The following NRXN3 variants were observed in gnomAD, a reference collection of about 807,000 sequenced individuals.
The protein encoded by NRXN3 is neurexin 3, also known as neurexin III.
NRXN3 carries 32 observed loss-of-function variants against 137.6 expected under a neutral mutation model. The ratio of observed to expected loss-of-function variants is 0.23; its 90% CI spans 0.18 to 0.31. The LOEUF is 0.31. Ranked by LOEUF, NRXN3 falls within the 10% of genes least tolerant of loss-of-function variation. The pLI is 1.00. For synonymous variants in NRXN3, 798 were observed against 784.5 expected, an observed-to-expected ratio of 1.02 and a Z score of -0.29; for missense variants, 1,574 against 2,062.5, an observed-to-expected ratio of 0.76 and a Z score of 4.59.
At chr14:79,767,687 C>A (rs1028483652) in intron 19 of NRXN3, among the ~76,000 whole-genome samples, 4 of 152,086 alleles carry the variant, frequency 2.6e-5, no homozygotes, top group African/African-American at 9.7e-5. Context: ...ATGGATAACA[C>A]TGAGGAATAA....
At chr14:79,770,661 A>T (rs1332930394) in intron 19 of NRXN3, among the ~76,000 whole-genome samples, 1 of 150,598 alleles carries the variant, frequency 6.6e-6, no homozygotes, top group Non-Finnish European at 1.5e-5. Flanking sequence ...AAATGCCCAC[A>T]AGAGAAAGCA....
chr14:78,911,602 A>G (rs1405427311), intron 10 of NRXN3, among the ~76,000 whole-genome samples: 3 of 152,196 alleles, frequency 2.0e-5, no homozygotes, highest in Non-Finnish European at 4.4e-5. Context: ...CCTGTAAAGC[A>G]CTAATTAGTA....
At chr14:79,376,259 T>C (rs1445538492) in intron 15 of NRXN3, among the ~76,000 whole-genome samples, 198 of 48,108 alleles carry the variant, frequency 4.1e-3, no homozygotes, top group African/African-American at 4.7e-3. Flanking sequence ...TATATATATA[T>C]ATATATACAC....
chr14:79,456,588 A>G (rs2096260691), intron 15 of NRXN3, among the ~76,000 whole-genome samples: 1 of 152,056 alleles, frequency 6.6e-6, no homozygotes, highest in African/African-American at 2.4e-5. Flanking sequence ...TTATCCGAGC[A>G]TAGTGGCGGG....
intron 15 of NRXN3, among the ~76,000 whole-genome samples, chr14:79,101,743 C>T (rs1449071249): frequency 3.3e-5 from 5 of 152,172 alleles, no homozygotes; most frequent in East Asian, 1.9e-4. Flanking sequence ...TCCCTTGTTC[C>T]TGTGAGTGTG....
intron 4 of NRXN3, among the ~76,000 whole-genome samples, chr14:78,355,325 G>A (rs2084123566): frequency 6.8e-6 from 1 of 148,000 alleles, no homozygotes; most frequent in African/African-American, 2.5e-5. Flanking sequence ...GAGCTGGCTT[G>A]TGCAATAGGC....
intron 15 of NRXN3, among the ~76,000 whole-genome samples, chr14:79,127,208 G>T (rs1299106018): frequency 1.1e-4 from 17 of 152,118 alleles, no homozygotes; most frequent in East Asian, 9.7e-4. Context: ...TTTTGGCTTT[G>T]GTTGCCATTG....
chr14:78,632,812 G>A (rs2152538989), intron 4 of NRXN3, among the ~76,000 whole-genome samples: 1 of 152,248 alleles, frequency 6.6e-6, no homozygotes, highest in South Asian at 2.1e-4. Flanking sequence ...ACTAAAACAG[G>A]TTAATTCTTG....
At chr14:79,284,706 A>G (rs2081968167) in intron 15 of NRXN3, among the ~76,000 whole-genome samples, 1 of 152,208 alleles carries the variant, frequency 6.6e-6, no homozygotes, top group Non-Finnish European at 1.5e-5. Flanking sequence ...CCCTTGTGAC[A>G]CATGATCCTG....
chr14:79,109,580 C>T (rs1272742950), intron 15 of NRXN3, among the ~76,000 whole-genome samples: 1 of 152,110 alleles, frequency 6.6e-6, no homozygotes, highest in Admixed American at 6.6e-5. Context: ...TTGGCAACCC[C>T]AGGCTCTGTC....
intron 4 of NRXN3, among the ~76,000 whole-genome samples, chr14:78,326,985 A>G (rs993907444): frequency 6.6e-6 from 1 of 152,092 alleles, no homozygotes; most frequent in African/African-American, 2.4e-5. Flanking sequence ...AATGGACATA[A>G]TCATAGTACT....
intron 17 of NRXN3, among the ~76,000 whole-genome samples, chr14:79,675,245 C>T (rs2098634358): frequency 6.6e-6 from 1 of 151,924 alleles, no homozygotes. Context: ...AGAAACCAAC[C>T]TATCTTATAA....
At chr14:79,233,666 C>CTGTGTGTGTGTGTGTGTG (rs143246182) in intron 15 of NRXN3, among the ~76,000 whole-genome samples, 12 of 145,070 alleles carry the variant, frequency 8.3e-5, no homozygotes, top group African/African-American at 3.0e-4. Flanking sequence ...AGTATAACTG[C>CTGTGTGTGTGTGTGTGTG]TGTGTGTGTG....
intron 19 of NRXN3, among the ~76,000 whole-genome samples, chr14:79,723,574 G>C (rs1273528386): frequency 1.3e-5 from 2 of 152,048 alleles, no homozygotes; most frequent in African/African-American, 4.8e-5. Context: ...CCTTTGCCAA[G>C]TCTCCATTCT....
At chr14:79,516,208 C>T (rs933540637) in intron 16 of NRXN3, among the ~76,000 whole-genome samples, 4 of 152,146 alleles carry the variant, frequency 2.6e-5, no homozygotes, top group Admixed American at 6.6e-5. Context: ...GCCAGCTGGC[C>T]TGCCCTAAAC....
chr14:79,651,845 A>G (rs2098477621), intron 16 of NRXN3, among the ~76,000 whole-genome samples: 1 of 152,164 alleles, frequency 6.6e-6, no homozygotes, highest in African/African-American at 2.4e-5. Context: ...TAGATCAGTG[A>G]TCCCTAATGA....
intron 17 of NRXN3, among the ~76,000 whole-genome samples, chr14:79,684,284 C>A (rs1366782999): frequency 6.6e-6 from 1 of 151,648 alleles, no homozygotes; most frequent in East Asian, 1.9e-4. Flanking sequence ...CTTTGGGAAG[C>A]CATTCAACTA....
intron 15 of NRXN3, among the ~76,000 whole-genome samples, chr14:79,168,001 C>T (rs1319699592): frequency 2.0e-5 from 3 of 150,422 alleles, no homozygotes; most frequent in Admixed American, 6.7e-5. Context: ...GAAACCAGCC[C>T]ATAACTTATC....
At chr14:79,282,569 T>C (rs1407400301) in intron 15 of NRXN3, among the ~76,000 whole-genome samples, 1 of 152,166 alleles carries the variant, frequency 6.6e-6, no homozygotes, top group Non-Finnish European at 1.5e-5. Flanking sequence ...TTAGTTTATT[T>C]CTTCAACGAT....
Sources: gnomAD v4.1 joint callset for allele counts (sites outside exome capture counted in the v4.1 genomes callset) on GRCh38, gnomAD v4.1.1 for gene constraint, MANE v1.5 for transcripts, NCBI Gene and HGNC (gene_info 2026-07-23, HGNC 2026-07-21) for gene names.